Variants in UNC79 observed in about 807,000 individuals in gnomAD.
UNC79 encodes the protein protein unc-79 homolog.
In UNC79, 37 loss-of-function variants were observed where a neutral mutation model predicts 283.1. The ratio of observed to expected loss-of-function variants is 0.13; its 90% confidence interval spans 0.10 to 0.17. UNC79 has a LOEUF of 0.17. Ranked by LOEUF, UNC79 falls within the 10% of genes least tolerant of loss-of-function variation. The pLI, the probability that UNC79 is intolerant of heterozygous loss-of-function variation, is 1.00. For synonymous variants in UNC79, 1,107 were observed against 1,200.2 expected (o/e 0.92, Z 1.61); for missense variants, 2,272 against 3,211.1 (o/e 0.71, Z 7.07).
intron 22 of UNC79, among the ~76,000 whole-genome samples, chr14:93,589,778 T>G (rs1373866654): frequency 6.6e-6 from 1 of 152,040 alleles, no homozygotes; most frequent in Non-Finnish European, 1.5e-5. Context: ...GAGAAAATCT[T>G]AAGGCCAGGC....
In UNC79 at chr14:93,575,406, A is replaced by G. The variant is rs972913265; in HGVS notation, c.2211+208A>G. ...GTTATTGAGTTTTCATTTTATTTTT[A>G]ATTTCTTTGAATTTTAGCTTTCTCC... On this transcript the variant is annotated intron_variant, in intron 17 of 48. Transcript: ENST00000555664. 6.1e-3 allele frequency among the ~76,000 whole-genome samples: 936 copies of G among 152,276 alleles called. 3 individuals are homozygous for G. Among genetic ancestry groups the G allele is most frequent in the African/African-American group, 0.021 (884 of 41,560 alleles).
intron 3 of UNC79, 112 bp from the exon 4 acceptor site, chr14:93,477,446 A>C (rs981811796): frequency 2.5e-5 from 20 of 788,772 alleles, no homozygotes; most frequent in Non-Finnish European, 3.7e-5. Flanking sequence ...ATAGAGATGG[A>C]GCACTAGTTG....
chr14:93,393,911 C>A (rs1301259506), intron 1 of UNC79, among the ~76,000 whole-genome samples: 1 of 152,058 alleles, frequency 6.6e-6, no homozygotes, highest in Non-Finnish European at 1.5e-5. Context: ...CCCCTAACCT[C>A]AAATATTACT....
At chr14:93,544,336 A>G (rs2061503231) in intron 14 of UNC79, among the ~76,000 whole-genome samples, 2 of 152,198 alleles carry the variant, frequency 1.3e-5, no homozygotes, top group Admixed American at 1.3e-4. Flanking sequence ...CTTCAGTGAG[A>G]AGGTATGGAA....
At chr14:93,404,511 T>TATATATAA (rs1342806157) in intron 1 of UNC79, among the ~76,000 whole-genome samples, 2 of 117,196 alleles carry the variant, frequency 1.7e-5, no homozygotes, top group South Asian at 2.6e-4. Context: ...TATATATATA[T>TATATATAA]ATAAATATAT....
chr14:93,395,348 T>C (rs532606174), intron 1 of UNC79, among the ~76,000 whole-genome samples: 1 of 152,352 alleles, frequency 6.6e-6, no homozygotes, highest in South Asian at 2.1e-4. Context: ...TTTAATTGAC[T>C]CACAGTTCCA....
chr14:93,506,872 C>A (rs961074711), intron 7 of UNC79, among the ~76,000 whole-genome samples: 3 of 152,168 alleles, frequency 2.0e-5, no homozygotes, highest in Non-Finnish European at 4.4e-5. Flanking sequence ...GGAATGTTTC[C>A]ATCAACCCAG....
chr14:93,541,203 C>T (rs2061354573), intron 13 of UNC79, among the ~76,000 whole-genome samples: 1 of 152,166 alleles, frequency 6.6e-6, no homozygotes, highest in Admixed American at 6.5e-5. Context: ...AGATAATTCA[C>T]ATCCCATCAC....
intron 1 of UNC79, among the ~76,000 whole-genome samples, chr14:93,391,280 A>G (rs1229259893): frequency 4.6e-5 from 7 of 152,188 alleles, no homozygotes; most frequent in Non-Finnish European, 1.0e-4. Context: ...AAAAGGAAAA[A>G]AAAAGGAAAA....
At chr14:93,493,812 G>A (rs1420744399) in intron 5 of UNC79, among the ~76,000 whole-genome samples, 4 of 148,634 alleles carry the variant, frequency 2.7e-5, no homozygotes, top group Non-Finnish European at 5.9e-5. Flanking sequence ...ATGGTAGAAG[G>A]CAAAGGGGAA....
At chr14:93,414,209 G>T (rs1258066647) in intron 1 of UNC79, among the ~76,000 whole-genome samples, 3 of 152,108 alleles carry the variant, frequency 2.0e-5, no homozygotes, top group Non-Finnish European at 4.4e-5. Context: ...TTTGTATAAG[G>T]TGTAAGGAAG....
At chr14:93,555,552 C>T (rs1010859666) in intron 14 of UNC79, among the ~76,000 whole-genome samples, 6 of 152,022 alleles carry the variant, frequency 3.9e-5, no homozygotes, top group Admixed American at 6.5e-5. Flanking sequence ...TACAGGTGCA[C>T]GCCACCATGC....
chr14:93,592,492 A>AT (rs1458867920), intron 22 of UNC79, among the ~76,000 whole-genome samples: 1 of 151,694 alleles, frequency 6.6e-6, no homozygotes, highest in East Asian at 1.9e-4. Flanking sequence ...TTTTCCTTAA[A>AT]TTTTTTCACT....
At chr14:93,454,147 A>G (rs1176009385) in intron 1 of UNC79, among the ~76,000 whole-genome samples, 1 of 150,468 alleles carries the variant, frequency 6.6e-6, no homozygotes, top group Non-Finnish European at 1.5e-5. Flanking sequence ...GGCTCAAACC[A>G]CCCTCCCACC....
At chr14:93,477,467 A>T in intron 3 of UNC79, 91 bp from the exon 4 acceptor site, 2 of 1,109,440 alleles carry the variant, frequency 1.8e-6, no homozygotes, top group African/African-American at 1.6e-5. Context: ...CTTATAACTT[A>T]AACCAGTTCA....
chr14:93,653,243 G>A (rs997612656), intron 35 of UNC79, among the ~76,000 whole-genome samples: 1 of 151,896 alleles, frequency 6.6e-6, no homozygotes, highest in Non-Finnish European at 1.5e-5. Context: ...TCAAAGTCCA[G>A]CCTTTTTACA....
chr14:93,580,651 A>G (rs2063741172), intron 19 of UNC79, among the ~76,000 whole-genome samples: 1 of 152,226 alleles, frequency 6.6e-6, no homozygotes, highest in African/African-American at 2.4e-5. Context: ...AGTATTCTTA[A>G]AAGAACTTTT....
intron 26 of UNC79, among the ~76,000 whole-genome samples, chr14:93,609,629 C>T (rs2066151290): frequency 6.6e-6 from 1 of 152,184 alleles, no homozygotes; most frequent in Non-Finnish European, 1.5e-5. Flanking sequence ...GAATTCAATA[C>T]TATTAAGTGT....
chr14:93,492,019 C>T (rs2058752325), intron 5 of UNC79, among the ~76,000 whole-genome samples: 1 of 152,080 alleles, frequency 6.6e-6, no homozygotes, highest in Non-Finnish European at 1.5e-5. Flanking sequence ...GCAACTTGAT[C>T]CTTGTAGCTG....
Sources: gnomAD v4.1 joint callset for allele counts (sites outside exome capture counted in the v4.1 genomes callset) on GRCh38, gnomAD v4.1.1 for gene constraint, MANE v1.5 for transcripts, NCBI Gene and HGNC (gene_info 2026-07-23, HGNC 2026-07-21) for gene names.